The following GABRG2 variants were observed in gnomAD, a reference collection of about 807,000 sequenced individuals.
GABRG2 encodes the protein gamma-aminobutyric acid receptor subunit gamma-2.
GABRG2 carries 16 observed loss-of-function variants against 56.4 expected under a neutral mutation model. The ratio of observed to expected loss-of-function variants is 0.28; its 90% CI spans 0.19 to 0.43. GABRG2 has a LOEUF of 0.43. Among genes scored for constraint, GABRG2 ranks in the 20% least tolerant of loss-of-function variants. GABRG2 has a pLI of 1.00. For synonymous variants in GABRG2, 208 were observed against 205.5 expected (o/e 1.01, Z -0.10); for missense variants, 327 against 582.7 (o/e 0.56, Z 4.52).
chr5:162,127,942 G>A (rs1179094782), intron 6 of GABRG2, among the ~76,000 whole-genome samples: 3 of 151,994 alleles, frequency 2.0e-5, no homozygotes, highest in Admixed American at 2.0e-4. Context: ...GCTGCTCAGG[G>A]TAAATGGTCT....
rs41311629 is a variant in GABRG2, at chr5:162,102,625, G to T, written c.632-1264G>T. 46,705 of 453,378 alleles carry T rather than the reference G, an allele frequency of 0.1. 2,565 individuals are homozygous for T. Among genetic ancestry groups the T allele is most frequent in the Middle Eastern group, 0.12 (182 of 1,462 alleles). 28.1% of individuals were successfully genotyped at this position (453,378 alleles called of 1,614,324 possible). A position where few individuals can be genotyped will look rare whatever the true frequency, so the allele number is the denominator to read the frequency against. On this transcript the variant is annotated intron_variant, in intron 5 of 9. Transcript: ENST00000639213. ...GGCTCACTACAGCCTTCGCTTCTGG[G>T]GCTCAACTGATCCTCCCACCTTGGC...
At chr5:162,067,511 C>T, upstream of GABRG2, 1 of 426,074 alleles carries the variant, frequency 2.3e-6, no homozygotes. Context: ...GTTAATCACG[C>T]AGAGTCTCTA....
intron 6 of GABRG2, among the ~76,000 whole-genome samples, chr5:162,126,471 C>T (rs1763347230): frequency 6.6e-6 from 1 of 152,026 alleles, no homozygotes; most frequent in Non-Finnish European, 1.5e-5. Flanking sequence ...GTGTGAGACT[C>T]CACTTGACAT....
intron 1 of GABRG2, among the ~76,000 whole-genome samples, chr5:162,071,621 T>C (rs184598561): frequency 1.4e-4 from 22 of 152,140 alleles, no homozygotes; most frequent in Admixed American, 1.1e-3. Flanking sequence ...AATTTTATTT[T>C]ACATGTTTCT....
At chr5:162,109,003 G>T (rs923616352) in intron 6 of GABRG2, among the ~76,000 whole-genome samples, 1 of 151,828 alleles carries the variant, frequency 6.6e-6, no homozygotes, top group Non-Finnish European at 1.5e-5. Flanking sequence ...TATTTCTTTG[G>T]GTATATACCC....
At chr5:162,088,282 G>T (rs1440958583) in intron 1 of GABRG2, among the ~76,000 whole-genome samples, 1 of 152,064 alleles carries the variant, frequency 6.6e-6, no homozygotes, top group African/African-American at 2.4e-5. Context: ...GCCTTCTGAG[G>T]ATGTACACTC....
At chr5:162,078,914 G>A (rs991642028) in intron 1 of GABRG2, among the ~76,000 whole-genome samples, 5 of 151,262 alleles carry the variant, frequency 3.3e-5, no homozygotes, top group African/African-American at 7.3e-5. Context: ...ATAAACAAAA[G>A]TCTACAACCT....
chr5:162,074,756 T>C (rs960922278), intron 1 of GABRG2, among the ~76,000 whole-genome samples: 16 of 152,138 alleles, frequency 1.1e-4, no homozygotes, highest in Non-Finnish European at 4.4e-5. Context: ...AATTAATTTA[T>C]GAAACGAATA....
At position 162,154,512 on chromosome 5, in the gene GABRG2, T is replaced by A. The variant is rs1381104465; in HGVS notation, c.*1144T>A. 6.6e-6 allele frequency: 1 copy of A among 152,194 alleles called. No individual in the cohort carries two copies. Among genetic ancestry groups the A allele is most frequent in the African/African-American group, 2.4e-5 (1 of 41,458 alleles). The allele number at this position is 152,194 out of a possible 1,614,324, so 9.4% of individuals were successfully genotyped here. ...TCACATAGGTGTTGTCAAGTGATAT[T>A]TGATTTTGTAAAAATAACCAGTAGG... On this transcript the variant is annotated 3_prime_UTR_variant, in exon 10 of 10. Coordinates refer to ENST00000639213, the MANE Select transcript of GABRG2 (RefSeq NM_198904.4).
intron 3 of GABRG2, among the ~76,000 whole-genome samples, chr5:162,096,406 C>G (rs1185755153): frequency 6.6e-6 from 1 of 152,042 alleles, no homozygotes; most frequent in Non-Finnish European, 1.5e-5. Flanking sequence ...CAGAACTGTT[C>G]TAGGATCAAA....
chr5:162,139,491 G>A (rs184471499), intron 6 of GABRG2, among the ~76,000 whole-genome samples: 2 of 152,316 alleles, frequency 1.3e-5, no homozygotes, highest in East Asian at 3.9e-4. Flanking sequence ...AAAAGCTGTA[G>A]ACTTGCTGGC....
At chr5:162,129,358 C>G (rs1323470975) in intron 6 of GABRG2, 1 of 151,830 alleles carries the variant, frequency 6.6e-6, no homozygotes, top group East Asian at 1.9e-4. Flanking sequence ...CTTAAAACAT[C>G]ACTAAGGGTA....
intron 5 of GABRG2, chr5:162,102,508 T>C (rs1761500641): frequency 2.2e-6 from 1 of 453,968 alleles, no homozygotes; most frequent in African/African-American, 2.0e-5. Context: ...CATATCATCA[T>C]TTTTGTTGTT....
chr5:162,092,471 C>T (rs1760675053), intron 1 of GABRG2, among the ~76,000 whole-genome samples: 1 of 152,108 alleles, frequency 6.6e-6, no homozygotes, highest in African/African-American at 2.4e-5. Context: ...CATCCTCTAT[C>T]CTTATTCTCA....
intron 1 of GABRG2, 21 bp from the exon 2 acceptor site, chr5:162,093,807 G>A: frequency 6.2e-7 from 1 of 1,610,556 alleles, no homozygotes; most frequent in Non-Finnish European, 8.5e-7. Flanking sequence ...TGTGTTTTTT[G>A]ACCAATATGT....
chr5:162,122,769 A>G (rs1763061204), intron 6 of GABRG2, among the ~76,000 whole-genome samples: 1 of 151,754 alleles, frequency 6.6e-6, no homozygotes, highest in Admixed American at 6.6e-5. Context: ...ATTCTTATAC[A>G]AACTACTTGA....
intron 5 of GABRG2, 52 bp downstream of exon 5, chr5:162,101,369 G>A (rs756432734): frequency 8.5e-7 from 1 of 1,181,894 alleles, no homozygotes; most frequent in South Asian, 1.2e-5. Flanking sequence ...CAGTCTTTCT[G>A]ATTGCCATGT....
chr5:162,116,764 C>T (rs1243469783), intron 6 of GABRG2, among the ~76,000 whole-genome samples: 3 of 151,158 alleles, frequency 2.0e-5, no homozygotes, highest in African/African-American at 4.9e-5. Flanking sequence ...CTCATGGAGT[C>T]TTCTCTAGAA....
chr5:162,068,034 C>G lies in GABRG2; in HGVS notation c.35C>G (p.Ser12Ter). The G allele has an allele frequency of 6.2e-7, 1 of 1,612,764 alleles. No homozygotes were observed. The highest frequency in any genetic ancestry group is 1.1e-5 in the South Asian group (1 of 91,030). ...SSPNIWSTGS[S>*]VYSTPVFSQK... is the part of the protein sequence containing the mutation. Reference sequence around the variant, plus strand: ...CCAAATATATGGAGCACAGGAAGCTCAGTCTACTCGACTCCTGTATTTTCA... The same window carrying G: ...CCAAATATATGGAGCACAGGAAGCTGAGTCTACTCGACTCCTGTATTTTCA... The change falls in exon 1 of 10, where the codon TCA becomes TGA. Residue 12 changes from serine (S) to a stop codon, truncating the protein, a stop_gained. Transcript: ENST00000639213. LOFTEE classifies it high-confidence loss of function.
Sources: gnomAD v4.1 joint callset for allele counts (sites outside exome capture counted in the v4.1 genomes callset) on GRCh38, gnomAD v4.1.1 for gene constraint, MANE v1.5 for transcripts, NCBI Gene and HGNC (gene_info 2026-07-23, HGNC 2026-07-21) for gene names.